The following INSC variants were observed in gnomAD, a reference collection of about 807,000 sequenced individuals.
INSC encodes INSC spindle orientation adaptor protein, also known as protein inscuteable homolog.
A neutral mutation model predicts 58.6 loss-of-function variants in INSC; 67 were observed. That is an observed-to-expected ratio of 1.14 (90% CI 0.94 to 1.40). The LOEUF (loss-of-function observed/expected upper bound fraction) is 1.40. Ranked by LOEUF, INSC falls within the 40% of genes most tolerant of loss-of-function variation. The pLI, the probability that INSC is intolerant of heterozygous loss-of-function variation, is 0.00. For missense variants in INSC, 714 were observed against 692.0 expected (o/e 1.03, Z -0.36); for synonymous variants, 262 against 276.1 (o/e 0.95, Z 0.51).
chr11:15,221,392 G>A (rs927335782), intron 7 of INSC, 85 bp from the exon 8 acceptor site: 21 of 1,467,418 alleles, frequency 1.4e-5, no homozygotes, highest in Middle Eastern at 3.6e-4. Flanking sequence ...TGTAGTGGGG[G>A]CTGAATCTGT....
At chr11:15,257,927 A>T in the INSC span, among the ~76,000 whole-genome samples, 1 of 152,236 alleles carries the variant, frequency 6.6e-6, no homozygotes, top group South Asian at 2.1e-4. Flanking sequence ...AGCTATGGCA[A>T]CCCCAGGAAA....
chr11:15,156,107 T>A (rs1164627787), intron 2 of INSC, among the ~76,000 whole-genome samples: 1 of 152,184 alleles, frequency 6.6e-6, no homozygotes, highest in Non-Finnish European at 1.5e-5. Flanking sequence ...TATCACTACT[T>A]ACATGGTCTT....
chr11:15,126,849 G>T (rs1233868718), intron 1 of INSC, among the ~76,000 whole-genome samples: 1 of 152,214 alleles, frequency 6.6e-6, no homozygotes, highest in Non-Finnish European at 1.5e-5. Flanking sequence ...AAAGCAGGGT[G>T]TTAGGCTTGT....
chr11:15,264,151 G>C, the INSC span, among the ~76,000 whole-genome samples: 1 of 82,230 alleles, frequency 1.2e-5, no homozygotes, highest in African/African-American at 4.5e-5. Flanking sequence ...CCTTGCAGCA[G>C]TAAGACTGAA....
chr11:15,207,086 G>T (rs1850831378), intron 7 of INSC, among the ~76,000 whole-genome samples: 1 of 152,138 alleles, frequency 6.6e-6, no homozygotes, highest in African/African-American at 2.4e-5. Flanking sequence ...GGGTTGGAGG[G>T]GGCTGGAGAC....
intron 8 of INSC, among the ~76,000 whole-genome samples, chr11:15,224,580 A>T (rs1462214500): frequency 1.3e-5 from 2 of 152,154 alleles, no homozygotes; most frequent in Non-Finnish European, 2.9e-5. Context: ...TGAAGGTGTT[A>T]TCAGTAGGAG....
intron 9 of INSC, among the ~76,000 whole-genome samples, chr11:15,230,642 G>A (rs141798445): frequency 1.3e-5 from 2 of 152,318 alleles, no homozygotes; most frequent in African/African-American, 4.8e-5. Flanking sequence ...ACCCTGTCCT[G>A]ACCTGCTCCA....
At chr11:15,184,097 A>G (rs1849880106) in intron 5 of INSC, among the ~76,000 whole-genome samples, 1 of 152,104 alleles carries the variant, frequency 6.6e-6, no homozygotes, top group Admixed American at 6.5e-5. Flanking sequence ...CCCTAAAGAC[A>G]CCAAAGTTTA....
chr11:15,139,266 A>T (rs778776253), intron 1 of INSC, among the ~76,000 whole-genome samples: 13 of 152,142 alleles, frequency 8.5e-5, no homozygotes, highest in Non-Finnish European at 1.8e-4. Context: ...TTTATCTGAG[A>T]GTTATGTCTA....
At chr11:15,126,683 T>A (rs2133696699) in intron 1 of INSC, among the ~76,000 whole-genome samples, 1 of 152,354 alleles carries the variant, frequency 6.6e-6, no homozygotes, top group Admixed American at 6.5e-5. Context: ...ATGTTTTATT[T>A]AATTATTCAT....
chr11:15,229,402 G>A (rs111368661), intron 9 of INSC, among the ~76,000 whole-genome samples: 3 of 152,060 alleles, frequency 2.0e-5, no homozygotes, highest in African/African-American at 7.3e-5. Context: ...ATAAAGCTCT[G>A]TCATATACAT....
chr11:15,224,713 G>A (rs1247775515), intron 8 of INSC, among the ~76,000 whole-genome samples: 1 of 152,180 alleles, frequency 6.6e-6, no homozygotes, highest in Non-Finnish European at 1.5e-5. Context: ...TCCTGAGGTG[G>A]GCGTCCATTC....
chr11:15,215,560 G>T (rs116786177), intron 7 of INSC, among the ~76,000 whole-genome samples: 1,981 of 152,330 alleles, frequency 0.013, 52 homozygotes, highest in African/African-American at 0.046. Flanking sequence ...GCATTAACTT[G>T]CCATGTGGCC....
At chr11:15,269,328 A>T in the INSC span, among the ~76,000 whole-genome samples, 1 of 152,014 alleles carries the variant, frequency 6.6e-6, no homozygotes, top group Admixed American at 6.6e-5. Context: ...CTTCTTCTAC[A>T]TGTTCCAAGA....
chr11:15,145,768 T>C (rs1270935219), intron 1 of INSC, among the ~76,000 whole-genome samples: 2 of 152,188 alleles, frequency 1.3e-5, no homozygotes, highest in African/African-American at 4.8e-5. Context: ...GCTGTGTCAC[T>C]GAGGGCTGGC....
At chr11:15,114,834 C>G (rs953811641), upstream of INSC, 3 of 659,126 alleles carry the variant, frequency 4.6e-6, no homozygotes, top group Admixed American at 1.3e-4. Flanking sequence ...AGGCTGCGAC[C>G]GCCTCGGAGA....
chr11:15,200,882 AC>A lies in INSC; in HGVS notation c.757del (p.Gln253ArgfsTer32). ...VCRQDSFRCLYPQALRTLASI... is the reference protein window; with the variant it reads ...VCRQDSFRCLXPQALRTLASI... ...CGGCAGGACAGTTTCCGGTGCTTGT[AC>A]CCCCAGGCGCTCCGCACGCTGGCCT... On this transcript the variant is annotated frameshift_variant, in exon 7 of 13. Coordinates refer to ENST00000379556, the MANE Select transcript of INSC (RefSeq NM_001042536.3). LOFTEE classifies it high-confidence loss of function. 6.2e-7 allele frequency: 1 copy of A among 1,613,570 alleles called. No homozygotes were observed. The highest frequency in any genetic ancestry group is 8.5e-7 in the Non-Finnish European group (1 of 1,179,924).
At chr11:15,139,555 C>G (rs1848320912) in intron 1 of INSC, among the ~76,000 whole-genome samples, 1 of 152,214 alleles carries the variant, frequency 6.6e-6, no homozygotes, top group Non-Finnish European at 1.5e-5. Context: ...CTGTCCTCAC[C>G]AGAAGAGAGG....
intron 6 of INSC, among the ~76,000 whole-genome samples, chr11:15,198,517 T>G (rs955762111): frequency 3.3e-5 from 5 of 152,188 alleles, no homozygotes; most frequent in African/African-American, 9.7e-5. Context: ...TCATGCGTGT[T>G]CGTTGGCACT....
Sources: allele counts gnomAD v4.1 joint callset (sites outside exome capture counted in the v4.1 genomes callset), GRCh38; gene constraint gnomAD v4.1.1; transcripts MANE v1.5; gene names NCBI Gene and HGNC (gene_info 2026-07-23, HGNC 2026-07-21).